The following ELAVL2 variants were observed in gnomAD, a reference collection of about 807,000 sequenced individuals.
ELAVL2 encodes ELAV like RNA binding protein 2, also known as ELAV-like protein 2.
ELAVL2 carries 4 observed loss-of-function variants against 34.6 expected under a neutral mutation model. The ratio of observed to expected loss-of-function variants is 0.12; its 90% CI spans 0.06 to 0.26. The LOEUF (loss-of-function observed/expected upper bound fraction) is 0.26. ELAVL2 is among the 10% of genes least tolerant of loss of function. The pLI is 1.00. For synonymous variants in ELAVL2, 193 were observed against 154.8 expected (o/e 1.25, Z -1.83); for missense variants, 432 against 442.8 (o/e 0.98, Z 0.22).
intron 5 of ELAVL2, among the ~76,000 whole-genome samples, chr9:23,698,062 G>A (rs1319420824): frequency 1.3e-5 from 2 of 152,170 alleles, no homozygotes; most frequent in East Asian, 1.9e-4. Flanking sequence ...AGTACGTCAT[G>A]CCTTAAAGGC....
chr9:23,736,764 CA>C (rs1249617659), intron 2 of ELAVL2, among the ~76,000 whole-genome samples: 1 of 152,142 alleles, frequency 6.6e-6, no homozygotes, highest in East Asian at 1.9e-4. Flanking sequence ...CCATTAATTC[CA>C]AAAACAGCCA....
intron 3 of ELAVL2, among the ~76,000 whole-genome samples, chr9:23,708,811 T>G (rs570033736): frequency 6.6e-6 from 1 of 152,186 alleles, no homozygotes; most frequent in African/African-American, 2.4e-5. Context: ...TGGCTTTTTT[T>G]GTATTTTTTA....
At chr9:23,815,808 T>TAAAC (rs77010974) in intron 1 of ELAVL2, among the ~76,000 whole-genome samples, 26,402 of 152,064 alleles carry the variant, frequency 0.17, 2,581 homozygotes, top group Admixed American at 0.27. Context: ...ACTCAGCAAA[T>TAAAC]TGGCCGCACG....
At chr9:23,791,137 T>C (rs1451596486) in intron 1 of ELAVL2, among the ~76,000 whole-genome samples, 1 of 152,148 alleles carries the variant, frequency 6.6e-6, no homozygotes, top group Admixed American at 6.5e-5. Context: ...CAATTGTATA[T>C]CAATTGTCAA....
chr9:23,755,687 G>T (rs923109364), intron 2 of ELAVL2, among the ~76,000 whole-genome samples: 1 of 152,018 alleles, frequency 6.6e-6, no homozygotes, highest in African/African-American at 2.4e-5. Flanking sequence ...AACGCACTGC[G>T]GACCAAAGCA....
intron 1 of ELAVL2, among the ~76,000 whole-genome samples, chr9:23,801,409 A>T (rs1009406907): frequency 1.3e-5 from 2 of 152,128 alleles, no homozygotes; most frequent in African/African-American, 4.8e-5. Context: ...TTATACTGTC[A>T]TTCATTCAAT....
chr9:23,739,561 A>C (rs1485912359), intron 2 of ELAVL2, among the ~76,000 whole-genome samples: 4 of 149,176 alleles, frequency 2.7e-5, no homozygotes, highest in African/African-American at 9.8e-5. Flanking sequence ...ACCCCCACAC[A>C]CACTAACAGT....
chr9:23,810,118 C>T (rs1398984213), intron 1 of ELAVL2, among the ~76,000 whole-genome samples: 1 of 152,108 alleles, frequency 6.6e-6, no homozygotes, highest in East Asian at 1.9e-4. Flanking sequence ...ATGTCACTTT[C>T]ACCTTTTTCT....
In ELAVL2 at chr9:23,799,558, C is replaced by T. The variant is rs144352084; in HGVS notation, c.-16+26248G>A. 1.3e-3 allele frequency among the ~76,000 whole-genome samples: 193 copies of T among 152,322 alleles called. 2 individuals carry two copies. The highest frequency in any genetic ancestry group is 4.3e-3 in the African/African-American group (179 of 41,576). On this transcript the variant is annotated intron_variant, in intron 1 of 6. Transcript: ENST00000397312. ...TCACTGGGTCTCTCACATCTAATTA[C>T]AATATCCAGCCCCATTTCCAACTTA...
At chr9:23,840,719 G>C in the ELAVL2 span, among the ~76,000 whole-genome samples, 11 of 152,248 alleles carry the variant, frequency 7.2e-5, no homozygotes, top group Non-Finnish European at 1.3e-4. Flanking sequence ...GGAAATTGCA[G>C]TCATTCCACT....
At chr9:23,722,679 C>T (rs1172229282) in intron 3 of ELAVL2, among the ~76,000 whole-genome samples, 1 of 152,202 alleles carries the variant, frequency 6.6e-6, no homozygotes, top group Non-Finnish European at 1.5e-5. Flanking sequence ...CGGCATCAGC[C>T]AACATGATAC....
intron 2 of ELAVL2, among the ~76,000 whole-genome samples, chr9:23,759,773 T>TATATATATATATATATATATAC (rs1387170695): frequency 1.5e-5 from 2 of 136,688 alleles, no homozygotes; most frequent in Admixed American, 1.5e-4. Context: ...TATATATATA[T>TATATATATATATATATATATAC]ATATATATAT....
chr9:23,727,264 C>A (rs1302862422), intron 3 of ELAVL2, among the ~76,000 whole-genome samples: 1 of 151,964 alleles, frequency 6.6e-6, no homozygotes, highest in African/African-American at 2.4e-5. Flanking sequence ...ACAAGTATCT[C>A]GAGACTTTAA....
chr9:23,794,803 G>A (rs181310266), intron 1 of ELAVL2, among the ~76,000 whole-genome samples: 178 of 152,194 alleles, frequency 1.2e-3, no homozygotes, highest in Non-Finnish European at 1.9e-3. Flanking sequence ...CCTGACCAAT[G>A]GAATACAGAT....
At chr9:23,772,498 C>T (rs930304840) in intron 1 of ELAVL2, among the ~76,000 whole-genome samples, 22 of 123,012 alleles carry the variant, frequency 1.8e-4, no homozygotes, top group Non-Finnish European at 2.3e-4. Context: ...GATAGAAAAC[C>T]AAATGCTACA....
chr9:23,837,279 G>T, the ELAVL2 span, among the ~76,000 whole-genome samples: 4 of 152,108 alleles, frequency 2.6e-5, no homozygotes, highest in Non-Finnish European at 2.9e-5. Context: ...CTAAGGGAGG[G>T]CTTTAAAAAC....
At chr9:23,788,145 G>T (rs117107295) in intron 1 of ELAVL2, among the ~76,000 whole-genome samples, 1 of 152,108 alleles carries the variant, frequency 6.6e-6, no homozygotes, top group African/African-American at 2.4e-5. Context: ...TGAATTTTAG[G>T]AAAATAAGGA....
At chr9:23,731,211 A>G in intron 2 of ELAVL2, 86 bp from the exon 3 acceptor site, 1 of 1,081,786 alleles carries the variant, frequency 9.2e-7, no homozygotes, top group Non-Finnish European at 1.3e-6. Context: ...TGGTCTTGTC[A>G]TTAACACCAG....
chr9:23,815,499 T>TAAC (rs2063577383), intron 1 of ELAVL2, among the ~76,000 whole-genome samples: 1 of 152,124 alleles, frequency 6.6e-6, no homozygotes, highest in African/African-American at 2.4e-5. Context: ...AAATGGTTCA[T>TAAC]AACACATTGA....
Sources: allele counts gnomAD v4.1 joint callset (sites outside exome capture counted in the v4.1 genomes callset), GRCh38; gene constraint gnomAD v4.1.1; transcripts MANE v1.5; gene names NCBI Gene and HGNC (gene_info 2026-07-23, HGNC 2026-07-21).